The following CFAP263 variants were observed in gnomAD, a reference collection of about 807,000 sequenced individuals.
CFAP263 encodes cilia and flagella associated protein 263.
chr16:58,278,780 C>A, the CFAP263 span: 6 of 733,398 alleles, frequency 8.2e-6, no homozygotes, highest in East Asian at 1.6e-4. Flanking sequence ...AACTATTAAA[C>A]CAAGACGAAG....
At chr16:58,280,507 G>T in the CFAP263 span, 9 of 1,614,200 alleles carry the variant, frequency 5.6e-6, no homozygotes, top group Non-Finnish European at 7.6e-6. Flanking sequence ...TTCAGAATCA[G>T]AATATGTCTT....
chr16:58,259,423 T>C, the CFAP263 span, among the ~76,000 whole-genome samples: 1 of 152,258 alleles, frequency 6.6e-6, no homozygotes, highest in Non-Finnish European at 1.5e-5. Context: ...AAGGAGAATT[T>C]GGGGGGTAAC....
At chr16:58,275,694 T>C in the CFAP263 span, among the ~76,000 whole-genome samples, 2 of 152,240 alleles carry the variant, frequency 1.3e-5, no homozygotes, top group South Asian at 4.1e-4. Context: ...TTGATATTGA[T>C]ACCTTTATGA....
the CFAP263 span, among the ~76,000 whole-genome samples, chr16:58,272,401 AG>A: frequency 6.6e-6 from 1 of 152,206 alleles, no homozygotes; most frequent in African/African-American, 2.4e-5. Flanking sequence ...ATGCATTGTT[AG>A]GCAATGTCAT....
the CFAP263 span, chr16:58,250,283 G>T: frequency 3.7e-6 from 2 of 544,166 alleles, no homozygotes; most frequent in South Asian, 4.5e-5. Flanking sequence ...ACAAGCTGTT[G>T]GTGGAGCTAG....
the CFAP263 span, among the ~76,000 whole-genome samples, chr16:58,266,405 ATTTTTTTTTT>A: frequency 0.017 from 533 of 31,206 alleles, 3 homozygotes; most frequent in African/African-American, 0.026. Context: ...ATATATATAT[ATTTTTTTTTT>A]TTTTTTTTTT....
At chr16:58,279,212 A>AG in the CFAP263 span, among the ~76,000 whole-genome samples, 1 of 152,168 alleles carries the variant, frequency 6.6e-6, no homozygotes, top group Non-Finnish European at 1.5e-5. Context: ...TGCCGTGGCC[A>AG]GGTTGCAAAC....
At chr16:58,283,028 C>G in the CFAP263 span, 1 of 152,234 alleles carries the variant, frequency 6.6e-6, no homozygotes, top group African/African-American at 2.4e-5. Flanking sequence ...CCCTCTGGAG[C>G]TACCCTACCT....
the CFAP263 span, among the ~76,000 whole-genome samples, chr16:58,273,504 A>G: frequency 6.6e-6 from 1 of 152,182 alleles, no homozygotes; most frequent in Non-Finnish European, 1.5e-5. Flanking sequence ...CATCATATTG[A>G]AAAGATTCCA....
the CFAP263 span, chr16:58,267,625 T>G: frequency 1.6e-6 from 2 of 1,288,994 alleles, no homozygotes; most frequent in Non-Finnish European, 2.3e-6. Flanking sequence ...GATGTTTGTC[T>G]CCTTGTGTTT....
the CFAP263 span, among the ~76,000 whole-genome samples, chr16:58,257,014 C>CTTTT: frequency 1.7e-4 from 7 of 41,920 alleles, 2 homozygotes; most frequent in African/African-American, 2.4e-4. Flanking sequence ...ATATGAATTT[C>CTTTT]TTTTTTTTTT....
At chr16:58,269,618 T>C in the CFAP263 span, among the ~76,000 whole-genome samples, 1 of 152,212 alleles carries the variant, frequency 6.6e-6, no homozygotes, top group Non-Finnish European at 1.5e-5. Flanking sequence ...CTTTTTTCAC[T>C]TGGAATAACA....
the CFAP263 span, among the ~76,000 whole-genome samples, chr16:58,261,343 T>C: frequency 1.3e-5 from 2 of 152,164 alleles, no homozygotes; most frequent in Admixed American, 1.3e-4. Context: ...TGTCTGCAGA[T>C]CATCAGTTCC....
At chr16:58,250,649 C>T in the CFAP263 span, among the ~76,000 whole-genome samples, 22,948 of 151,598 alleles carry the variant, frequency 0.15, 2,227 homozygotes, top group East Asian at 0.33. Context: ...CCTGTAATCC[C>T]ATCTACTCTG....
the CFAP263 span, among the ~76,000 whole-genome samples, chr16:58,260,307 C>T: frequency 6.6e-6 from 1 of 152,134 alleles, no homozygotes; most frequent in Non-Finnish European, 1.5e-5. Context: ...AACAGAGTCT[C>T]CCCTAGAGCC....
chr16:58,267,455 A>G, the CFAP263 span: 2 of 1,515,732 alleles, frequency 1.3e-6, no homozygotes, highest in South Asian at 1.1e-5. Context: ...TTAGCTCAAG[A>G]CTTGCTGTGT....
the CFAP263 span, among the ~76,000 whole-genome samples, chr16:58,279,456 T>A: frequency 6.6e-6 from 1 of 152,072 alleles, no homozygotes; most frequent in Non-Finnish European, 1.5e-5. Context: ...ACTTCTCACT[T>A]TACTGAACAG....
the CFAP263 span, chr16:58,250,519 C>G: frequency 6.3e-6 from 1 of 158,180 alleles, no homozygotes; most frequent in Non-Finnish European, 1.4e-5. Context: ...AATCTCAGCA[C>G]TTTAGGAGGC....
chr16:58,250,764 CAA>C, the CFAP263 span, among the ~76,000 whole-genome samples: 18,706 of 101,634 alleles, frequency 0.18, 1,433 homozygotes, highest in South Asian at 0.36. Context: ...GACTAAGTCT[CAA>C]AAAAAAAAAA....
Sources: allele counts gnomAD v4.1 joint callset (sites outside exome capture counted in the v4.1 genomes callset), GRCh38; gene constraint gnomAD v4.1.1; transcripts MANE v1.5; gene names NCBI Gene and HGNC (gene_info 2026-07-23, HGNC 2026-07-21).